ADGRG7: variants seen among roughly 807,000 people sequenced by gnomAD.
The protein encoded by ADGRG7 is adhesion G protein-coupled receptor G7, also known as G-protein coupled receptor 128.
In ADGRG7, 82 loss-of-function variants were observed where a neutral mutation model predicts 88.6. The observed-to-expected ratio is 0.93, with a 90% CI of 0.77 to 1.11. The LOEUF (loss-of-function observed/expected upper bound fraction) is 1.11. Among genes scored for constraint, ADGRG7 ranks in the 50% most tolerant of loss-of-function variants. ADGRG7 has a pLI of 0.00. For synonymous variants in ADGRG7, 381 were observed against 345.2 expected (o/e 1.10, Z -1.15); for missense variants, 945 against 953.4 (o/e 0.99, Z 0.12).
chr3:100,654,859 C>G lies in ADGRG7; in HGVS notation c.1404C>G (p.Thr468=). 6.3e-7 allele frequency: 1 copy of G among 1,581,726 alleles called. No homozygotes were observed. The highest frequency in any genetic ancestry group is 8.6e-7 in the Non-Finnish European group (1 of 1,160,292). The part of the protein sequence containing the change: ...VTRKVRKTSV[T]WVLVNLCISM... ...GGAAAGTCAGAAAAACCTCAGTAAC[C>G]TGGGTTTTGGTCAATCTGTGCATAT... Residue 468 remains threonine (T), a synonymous_variant, in exon 12 of 16, where the codon ACC becomes ACG. Transcript: ENST00000273352.
chr3:100,616,513 G>A (rs1707226645), intron 1 of ADGRG7, among the ~76,000 whole-genome samples: 1 of 152,116 alleles, frequency 6.6e-6, no homozygotes, highest in Non-Finnish European at 1.5e-5. Context: ...TTTAAAAGGA[G>A]GTTAGAAATC....
intron 5 of ADGRG7, among the ~76,000 whole-genome samples, chr3:100,636,652 A>G (rs1180289335): frequency 6.6e-6 from 1 of 151,878 alleles, no homozygotes; most frequent in Non-Finnish European, 1.5e-5. Flanking sequence ...TCAGAAAAAA[A>G]AAATTGAAAT....
At chr3:100,683,224 C>T (rs2094976506) in intron 15 of ADGRG7, among the ~76,000 whole-genome samples, 1 of 152,186 alleles carries the variant, frequency 6.6e-6, no homozygotes, top group Non-Finnish European at 1.5e-5. Context: ...CCCACCAGAA[C>T]GGCGGGGCTA....
At chr3:100,635,213 C>T (rs1390577685) in intron 4 of ADGRG7, among the ~76,000 whole-genome samples, 1 of 117,036 alleles carries the variant, frequency 8.5e-6, no homozygotes, top group Non-Finnish European at 1.8e-5. Flanking sequence ...CCATTGCACA[C>T]CAATATTTTT....
At chr3:100,665,265 C>A in intron 14 of ADGRG7, 1 of 540,564 alleles carries the variant, frequency 1.8e-6, no homozygotes, top group East Asian at 5.4e-5. Flanking sequence ...ATATTTATAA[C>A]TATACACAAT....
chr3:100,613,617 G>A (rs1482928397), intron 1 of ADGRG7, among the ~76,000 whole-genome samples: 1 of 152,014 alleles, frequency 6.6e-6, no homozygotes, highest in African/African-American at 2.4e-5. Flanking sequence ...TTGGCTGAGG[G>A]GCATGGATTA....
intron 6 of ADGRG7, among the ~76,000 whole-genome samples, chr3:100,638,703 C>T (rs1166422563): frequency 6.6e-6 from 1 of 151,982 alleles, no homozygotes; most frequent in Non-Finnish European, 1.5e-5. Context: ...CCTTTCTGAC[C>T]AACACTACAT....
intron 14 of ADGRG7, 39 bp downstream of exon 14, chr3:100,659,882 T>C: frequency 6.3e-7 from 1 of 1,599,936 alleles, no homozygotes; most frequent in South Asian, 1.1e-5. Flanking sequence ...CAGGCAAGGC[T>C]CATCCAGCAC....
chr3:100,623,350 T>C (rs752460785), intron 1 of ADGRG7, among the ~76,000 whole-genome samples: 18 of 152,292 alleles, frequency 1.2e-4, no homozygotes, highest in Non-Finnish European at 1.0e-4. Flanking sequence ...TAAATTGCCT[T>C]GGTACGTCTT....
chr3:100,685,789 G>GT (rs1289205726), intron 15 of ADGRG7, among the ~76,000 whole-genome samples: 1 of 152,140 alleles, frequency 6.6e-6, no homozygotes, highest in Non-Finnish European at 1.5e-5. Flanking sequence ...GGACATTTGG[G>GT]TTGGTTCCAA....
rs1328915793 is a variant in ADGRG7 at position 100,626,994 on chromosome 3, A to T, written c.116-2604A>T. Reference sequence around the variant, plus strand: ...CTTATTAATTATAGTAACTTTTTGGAGATATCTTAGCATTTCATATATTTG... The same window carrying T: ...CTTATTAATTATAGTAACTTTTTGGTGATATCTTAGCATTTCATATATTTG... On this transcript the variant is annotated intron_variant, in intron 1 of 15. Coordinates refer to ENST00000273352, the MANE Select transcript of ADGRG7 (RefSeq NM_032787.3). Among the ~76,000 whole-genome samples, 8 of 152,120 alleles carry T rather than the reference A, an allele frequency of 5.3e-5. No individual in the cohort carries two copies. The East Asian group carries it at 1.5e-3, about 29-fold the overall frequency.
At position 100,667,855 on chromosome 3, in the gene ADGRG7, C is replaced by T. The variant is rs114194522; in HGVS notation, c.1980-1094C>T. 9.0e-3 allele frequency among the ~76,000 whole-genome samples: 1,376 copies of T among 152,150 alleles called. 13 individuals carry two copies. Among genetic ancestry groups the T allele is most frequent in the Non-Finnish European group, 0.014 (971 of 68,002 alleles). On this transcript the variant is annotated intron_variant, in intron 14 of 15. Coordinates refer to ENST00000273352, the MANE Select transcript of ADGRG7 (RefSeq NM_032787.3). Reference sequence around the variant, plus strand: ...AAAGAAAAAAAAAAAAGAGCTCCTGCAGCTAGTTCGGTGTCTGCCCAATTG... The same window carrying T: ...AAAGAAAAAAAAAAAAGAGCTCCTGTAGCTAGTTCGGTGTCTGCCCAATTG...
intron 1 of ADGRG7, among the ~76,000 whole-genome samples, chr3:100,627,808 A>G (rs1707400452): frequency 6.6e-6 from 1 of 152,112 alleles, no homozygotes; most frequent in Admixed American, 6.5e-5. Context: ...TCTTGGATCT[A>G]TAAGCTGAAG....
chr3:100,682,595 C>T (rs2094975010), intron 15 of ADGRG7, among the ~76,000 whole-genome samples: 1 of 152,212 alleles, frequency 6.6e-6, no homozygotes, highest in African/African-American at 2.4e-5. Flanking sequence ...AAGTGACCTC[C>T]AGTCAGGGCC....
intron 1 of ADGRG7, among the ~76,000 whole-genome samples, chr3:100,617,822 G>C (rs376032821): frequency 2.0e-5 from 3 of 152,260 alleles, no homozygotes; most frequent in East Asian, 3.9e-4. Flanking sequence ...CTAGTTTACA[G>C]TTCCACCAAC....
chr3:100,650,966 C>T lies in ADGRG7; in HGVS notation c.1379+1159C>T, dbSNP rs1056605029. 2.0e-5 allele frequency among the ~76,000 whole-genome samples: 3 copies of T among 152,290 alleles called. No individual in the cohort carries two copies. In the East Asian group the frequency reaches 5.8e-4, roughly 29 times the overall value. On this transcript the variant is annotated intron_variant, in intron 11 of 15. Transcript: ENST00000273352. Reference sequence around the variant, plus strand: ...GGAGCCCCTTCATGTTGTTTTGCCACGTCTCAGTCTTTAGTCACTTCCTTA... The same window carrying T: ...GGAGCCCCTTCATGTTGTTTTGCCATGTCTCAGTCTTTAGTCACTTCCTTA...
intron 15 of ADGRG7, among the ~76,000 whole-genome samples, chr3:100,688,813 G>T (rs1421117270): frequency 6.6e-6 from 1 of 152,158 alleles, no homozygotes; most frequent in Non-Finnish European, 1.5e-5. Flanking sequence ...GGTCAATTTT[G>T]GAATAGGTGT....
Position 100,694,874 on chromosome 3 carries a change from G to A in ADGRG7, c.2267G>A (p.Arg756His), listed in dbSNP as rs9872512. ...CCTTCAGTGACGCGGCCGAGGCTGC[G>A]TGTAAAGATGTATAATTTCCTCAGG... is the stretch of plus-strand genomic sequence containing the variant. The part of the protein sequence containing the change: ...SLPSVTRPRL[R>H]VKMYNFLRSL... Residue 756 changes from arginine (R) to histidine (H), a missense_variant, in exon 16 of 16, where the codon CGT becomes CAT. Coordinates refer to ENST00000273352, the MANE Select transcript of ADGRG7 (RefSeq NM_032787.3). 1,975 of 1,614,156 alleles carry A rather than the reference G, an allele frequency of 1.2e-3. 19 individuals carry two copies. In the African/African-American group the frequency reaches 0.022, roughly 18 times the overall value.
rs538208154 is a variant in ADGRG7, at chr3:100,666,750, A to G, written c.1980-2199A>G. Reference sequence around the variant, plus strand: ...TTCCCACGAGGCCATATTTCAGACTATCACATGGGGAGAAACCTTGGACAA... The same window carrying G: ...TTCCCACGAGGCCATATTTCAGACTGTCACATGGGGAGAAACCTTGGACAA... On this transcript the variant is annotated intron_variant, in intron 14 of 15. Transcript: ENST00000273352. Among the ~76,000 whole-genome samples the G allele has an allele frequency of 3.3e-5, 5 of 151,776 alleles. No individual in the cohort carries two copies. The South Asian group carries it at 6.4e-4, about 19-fold the overall frequency.
Sources: allele counts gnomAD v4.1 joint callset (sites outside exome capture counted in the v4.1 genomes callset), GRCh38; gene constraint gnomAD v4.1.1; transcripts MANE v1.5; gene names NCBI Gene and HGNC (gene_info 2026-07-23, HGNC 2026-07-21).